The following LDB2 variants were observed in gnomAD, a reference collection of about 807,000 sequenced individuals.
LDB2 encodes LIM domain binding 2.
LDB2 carries 12 observed loss-of-function variants against 44.3 expected under a neutral mutation model. The ratio of observed to expected loss-of-function variants is 0.27; its 90% CI spans 0.17 to 0.44. The LOEUF (loss-of-function observed/expected upper bound fraction) is 0.44. Among genes scored for constraint, LDB2 ranks in the 20% least tolerant of loss-of-function variants. The pLI is 1.00. For synonymous variants in LDB2, 164 were observed against 174.8 expected (o/e 0.94, Z 0.49); for missense variants, 344 against 473.5 (o/e 0.73, Z 2.54).
At chr4:16,523,828 T>C (rs1727207383) in intron 5 of LDB2, among the ~76,000 whole-genome samples, 1 of 152,222 alleles carries the variant, frequency 6.6e-6, no homozygotes, top group South Asian at 2.1e-4. Context: ...GAATTTTCTC[T>C]TTAATATTTT....
chr4:16,700,663 T>C (rs1036590588), intron 2 of LDB2, among the ~76,000 whole-genome samples: 1 of 152,164 alleles, frequency 6.6e-6, no homozygotes, highest in African/African-American at 2.4e-5. Flanking sequence ...GAGAAAGCCA[T>C]GGGATTCTCT....
At chr4:16,560,936 C>A (rs1175784210) in intron 5 of LDB2, among the ~76,000 whole-genome samples, 4 of 152,090 alleles carry the variant, frequency 2.6e-5, no homozygotes, top group Middle Eastern at 3.2e-3. Flanking sequence ...TAAATGTAAT[C>A]CAGCATATAA....
At chr4:16,761,493 A>G (rs1440023820) in intron 1 of LDB2, among the ~76,000 whole-genome samples, 1 of 152,174 alleles carries the variant, frequency 6.6e-6, no homozygotes, top group Non-Finnish European at 1.5e-5. Flanking sequence ...GCAGTTGGTA[A>G]CACATCATGG....
At chr4:16,643,410 A>G (rs779720235) in intron 2 of LDB2, among the ~76,000 whole-genome samples, 16 of 152,246 alleles carry the variant, frequency 1.1e-4, no homozygotes, top group Non-Finnish European at 1.8e-4. Context: ...ACAGGTATCA[A>G]GAAGTCATTA....
chr4:16,768,540 A>G (rs1213597949), intron 1 of LDB2, among the ~76,000 whole-genome samples: 2 of 151,632 alleles, frequency 1.3e-5, no homozygotes, highest in Admixed American at 6.6e-5. Context: ...AGATATTAAG[A>G]AAGAAGACAA....
intron 1 of LDB2, among the ~76,000 whole-genome samples, chr4:16,854,372 T>C: frequency 6.8e-6 from 1 of 146,570 alleles, no homozygotes; most frequent in Middle Eastern, 3.5e-3. Flanking sequence ...ATAATTCTGT[T>C]GTGGGTTCTT....
intron 5 of LDB2, among the ~76,000 whole-genome samples, chr4:16,543,412 C>G (rs1734597265): frequency 6.6e-6 from 1 of 152,226 alleles, no homozygotes; most frequent in Non-Finnish European, 1.5e-5. Flanking sequence ...GTTCCTATTT[C>G]TCCACATCCT....
At chr4:16,616,404 A>G (rs1727346885) in intron 2 of LDB2, among the ~76,000 whole-genome samples, 1 of 152,120 alleles carries the variant, frequency 6.6e-6, no homozygotes, top group African/African-American at 2.4e-5. Context: ...CAAAAGAGAA[A>G]GGGAGAGATG....
At chr4:16,887,630 C>T (rs1180533222) in intron 1 of LDB2, among the ~76,000 whole-genome samples, 6 of 151,698 alleles carry the variant, frequency 4.0e-5, no homozygotes, top group South Asian at 2.1e-4. Flanking sequence ...CAAATCTTCA[C>T]GAGTCCTAAG....
chr4:16,745,523 C>A (rs973874059), intron 2 of LDB2, among the ~76,000 whole-genome samples: 4 of 152,250 alleles, frequency 2.6e-5, no homozygotes, highest in South Asian at 2.1e-4. Context: ...CATCTCCTGG[C>A]AGTTTTGGAG....
intron 5 of LDB2, among the ~76,000 whole-genome samples, chr4:16,562,994 C>G (rs897444971): frequency 6.6e-6 from 1 of 151,676 alleles, no homozygotes; most frequent in African/African-American, 2.4e-5. Flanking sequence ...CATGTTCTCA[C>G]TCATAGGTGG....
In LDB2 at chr4:16,730,391, G is replaced by T. The variant is rs573967699; in HGVS notation, c.235+28767C>A. 1.7e-4 allele frequency among the ~76,000 whole-genome samples: 26 copies of T among 152,246 alleles called. No homozygotes were observed. In the South Asian group the frequency reaches 5.4e-3, roughly 32 times the overall value. Reference sequence around the variant, plus strand: ...ACCTGTACACTCTAAATTCCACAGGGCAGATCTTGTTCTTAATCTCTGAAT... The same window carrying T: ...ACCTGTACACTCTAAATTCCACAGGTCAGATCTTGTTCTTAATCTCTGAAT... On this transcript the variant is annotated intron_variant, in intron 2 of 7. Transcript: ENST00000304523.
intron 1 of LDB2, among the ~76,000 whole-genome samples, chr4:16,822,572 A>C (rs577268184): frequency 6.6e-6 from 1 of 152,052 alleles, no homozygotes; most frequent in Non-Finnish European, 1.5e-5. Context: ...CTGGAGTGCT[A>C]CAGTGGCACG....
intron 5 of LDB2, among the ~76,000 whole-genome samples, chr4:16,584,641 C>T (rs1716074029): frequency 6.6e-6 from 1 of 152,216 alleles, no homozygotes; most frequent in South Asian, 2.1e-4. Flanking sequence ...CTCCCTACTG[C>T]CCAAACCCAT....
chr4:16,820,800 CAGT>C (rs1424889673), intron 1 of LDB2, among the ~76,000 whole-genome samples: 6 of 152,076 alleles, frequency 3.9e-5, no homozygotes, highest in African/African-American at 1.4e-4. Context: ...TTTTTCTGCA[CAGT>C]ACATACTCAA....
At chr4:16,625,930 C>T (rs1449209362) in intron 2 of LDB2, among the ~76,000 whole-genome samples, 1 of 152,078 alleles carries the variant, frequency 6.6e-6, no homozygotes. Context: ...CTTACTGGAC[C>T]ATCCTGTCCA....
intron 7 of LDB2, among the ~76,000 whole-genome samples, chr4:16,503,428 G>A (rs910355092): frequency 1.3e-5 from 2 of 152,158 alleles, no homozygotes; most frequent in African/African-American, 4.8e-5. Context: ...TCTCTACTCA[G>A]CCAGGCCCTT....
chr4:16,557,477 C>T (rs1451233074), intron 5 of LDB2, among the ~76,000 whole-genome samples: 3 of 152,204 alleles, frequency 2.0e-5, no homozygotes, highest in East Asian at 1.9e-4. Flanking sequence ...AGTCTGAGAT[C>T]AAACTGCAAG....
At chr4:16,802,715 G>A (rs555432488) in intron 1 of LDB2, among the ~76,000 whole-genome samples, 6 of 152,238 alleles carry the variant, frequency 3.9e-5, no homozygotes, top group East Asian at 3.9e-4. Context: ...TAATTCCCAC[G>A]TGTTGTGGGA....
Sources: allele counts gnomAD v4.1 joint callset (sites outside exome capture counted in the v4.1 genomes callset), GRCh38; gene constraint gnomAD v4.1.1; transcripts MANE v1.5; gene names NCBI Gene and HGNC (gene_info 2026-07-23, HGNC 2026-07-21).